ZNF507: variants seen among roughly 807,000 people sequenced by gnomAD.
ZNF507 encodes zinc finger protein 507.
A neutral mutation model predicts 80.0 loss-of-function variants in ZNF507; 29 were observed. That is an observed-to-expected ratio of 0.36 (90% CI 0.27 to 0.49). The LOEUF (loss-of-function observed/expected upper bound fraction) is 0.49. Among genes scored for constraint, ZNF507 ranks in the 20% least tolerant of loss-of-function variants. The pLI, the probability that ZNF507 is intolerant of heterozygous loss-of-function variation, is 0.98. For synonymous variants in ZNF507, 462 were observed against 422.5 expected, an observed-to-expected ratio of 1.09 and a Z score of -1.15; for missense variants, 1,081 against 1,152.2, an observed-to-expected ratio of 0.94 and a Z score of 0.90.
Position 32,387,190 on chromosome 19 carries a change from T to C in ZNF507, c.*4107T>C, listed in dbSNP as rs1967700692. 1 of 152,258 alleles carries C rather than the reference T, an allele frequency of 6.6e-6. No homozygotes were observed. The highest frequency in any genetic ancestry group is 2.4e-5 in the African/African-American group (1 of 41,474). The allele number at this position is 152,258 out of a possible 1,614,324, so 9.4% of individuals were successfully genotyped here. On this transcript the variant is annotated 3_prime_UTR_variant, in exon 7 of 7. Transcript: ENST00000355898. The stretch of plus-strand genomic sequence containing the variant: ...AAGTGCTAAAGACTAGTTCTGCTAT[T>C]GACGAAGGAATTAGCATTCCTTAGT...
At chr19:32,374,426 C>T (rs1967518668) in intron 5 of ZNF507, among the ~76,000 whole-genome samples, 1 of 149,934 alleles carries the variant, frequency 6.7e-6, no homozygotes, top group African/African-American at 2.4e-5. Flanking sequence ...ATTATATTAT[C>T]TGCAAATCAT....
intron 2 of ZNF507, among the ~76,000 whole-genome samples, chr19:32,347,782 A>T (rs1211341361): frequency 1.3e-5 from 2 of 152,244 alleles, no homozygotes; most frequent in Non-Finnish European, 2.9e-5. Flanking sequence ...TGCTCAATAA[A>T]TGACAGTAAA....
Position 32,382,706 on chromosome 19 carries a change from T to C in ZNF507, c.2496-11T>C. 1.2e-6 allele frequency: 2 copies of C among 1,610,124 alleles called. No individual in the cohort carries two copies. The highest frequency in any genetic ancestry group is 1.7e-6 in the Non-Finnish European group (2 of 1,177,554). ...CTCCTCACGGTGTGCTGTGTTTGTT[T>C]TGTTTTTAAGAGTTCTGGGGAAATC... On this transcript the variant is annotated splice_polypyrimidine_tract_variant and intron_variant, in intron 6 of 6. Transcript: ENST00000355898.
intron 2 of ZNF507, among the ~76,000 whole-genome samples, chr19:32,352,610 T>A (rs1021744579): frequency 6.6e-6 from 1 of 152,042 alleles, no homozygotes; most frequent in African/African-American, 2.4e-5. Context: ...GAGGGGAGTA[T>A]CTTCATCATT....
chr19:32,369,625 C>CT (rs952389746), intron 5 of ZNF507, among the ~76,000 whole-genome samples: 89 of 146,212 alleles, frequency 6.1e-4, no homozygotes, highest in Middle Eastern at 3.5e-3. Flanking sequence ...AACATACTTT[C>CT]TTTTTTTTTT....
chr19:32,353,976 G>C lies in ZNF507; in HGVS notation c.1146G>C (p.Gln382His). Reference protein sequence around the residue: ...LIPDSLLTSAQKIISSSPNKK... With the variant: ...LIPDSLLTSAHKIISSSPNKK... ...CTGATAGCCTGCTTACATCAGCACA[G>C]AAAATCATCAGCAGCAGCCCCAATA... The change falls in exon 3 of 7, where the codon CAG becomes CAC. Residue 382 changes from glutamine (Q) to histidine (H), a missense_variant. Transcript: ENST00000355898. 1 of 1,614,172 alleles carries C rather than the reference G, an allele frequency of 6.2e-7. No homozygotes were observed. The highest frequency in any genetic ancestry group is 8.5e-7 in the Non-Finnish European group (1 of 1,180,036).
At chr19:32,355,411 A>G (rs1967239063) in intron 3 of ZNF507, among the ~76,000 whole-genome samples, 2 of 152,210 alleles carry the variant, frequency 1.3e-5, no homozygotes, top group South Asian at 2.1e-4. Flanking sequence ...AGTGATGTGT[A>G]TCATTGCAGA....
chr19:32,383,994 G>A lies in ZNF507; in HGVS notation c.*911G>A, dbSNP rs774439252. The A allele has an allele frequency of 6.6e-6, 1 of 152,164 alleles. No homozygotes were observed. Among genetic ancestry groups the A allele is most frequent in the Admixed American group, 6.6e-5 (1 of 15,266 alleles). The allele number at this position is 152,164 out of a possible 1,614,324, so 9.4% of individuals were successfully genotyped here. ...TATGAAAATTTACATTTGATCATCC[G>A]GCATTGGAAATAGTTTGAACTATTT... On this transcript the variant is annotated 3_prime_UTR_variant, in exon 7 of 7. Coordinates refer to ENST00000355898, the MANE Select transcript of ZNF507 (RefSeq NM_001136156.2).
intron 4 of ZNF507, chr19:32,359,720 A>T (rs1275944932): frequency 2.0e-5 from 3 of 152,196 alleles, no homozygotes; most frequent in Admixed American, 1.3e-4. Context: ...AGAGCTGCAT[A>T]TTCATGTCAG....
At chr19:32,366,259 T>G (rs1967397123) in intron 5 of ZNF507, among the ~76,000 whole-genome samples, 1 of 152,178 alleles carries the variant, frequency 6.6e-6, no homozygotes, top group Non-Finnish European at 1.5e-5. Flanking sequence ...GAAAATTGCA[T>G]AAATCATAAA....
Position 32,353,472 on chromosome 19 carries a change from C to T in ZNF507, c.642C>T (p.Ile214=). Residue 214 remains isoleucine, a synonymous_variant, in exon 3 of 7, where the codon ATC becomes ATT. Coordinates refer to ENST00000355898, the MANE Select transcript of ZNF507 (RefSeq NM_001136156.2). ...TTERNETIPD[I]PVSVDNLQTH... The stretch of plus-strand genomic sequence containing the variant: ...AAAGAAATGAAACCATTCCAGATAT[C>T]CCAGTAAGTGTGGACAATCTACAGA... The T allele has an allele frequency of 6.2e-7, 1 of 1,614,206 alleles. No individual in the cohort carries two copies.
intron 2 of ZNF507, among the ~76,000 whole-genome samples, chr19:32,347,829 T>C (rs1206756946): frequency 6.6e-6 from 1 of 152,170 alleles, no homozygotes; most frequent in Non-Finnish European, 1.5e-5. Context: ...ACCTTATGTC[T>C]TCATTGCAGC....
Position 32,382,930 on chromosome 19 carries a change from C to T in ZNF507, c.2709C>T (p.Ser903=). 1 of 1,614,162 alleles carries T rather than the reference C, an allele frequency of 6.2e-7. No individual in the cohort carries two copies. Among genetic ancestry groups the T allele is most frequent in the Non-Finnish European group, 8.5e-7 (1 of 1,180,026 alleles). ...AAATCTCCAGTCTGGCCCCTCCTAGCATGGAGTACTGCGTTTTACTCTTCT... is the reference window on the plus strand; with the variant it reads ...AAATCTCCAGTCTGGCCCCTCCTAGTATGGAGTACTGCGTTTTACTCTTCT... ...LEKISSLAPP[S]MEYCVLLFCC... The change falls in exon 7 of 7, where the codon AGC becomes AGT. Residue 903 remains serine, a synonymous_variant. Coordinates refer to ENST00000355898, the MANE Select transcript of ZNF507 (RefSeq NM_001136156.2).
At chr19:32,356,754 G>T (rs112422840) in intron 4 of ZNF507, 21 bp downstream of exon 4, 36 of 1,579,708 alleles carry the variant, frequency 2.3e-5, no homozygotes, top group African/African-American at 2.0e-4. Flanking sequence ...ATTTTGTTAT[G>T]CAGGCTGCAG....
chr19:32,367,882 C>G (rs1967419944), intron 5 of ZNF507, among the ~76,000 whole-genome samples: 1 of 152,154 alleles, frequency 6.6e-6, no homozygotes, highest in Non-Finnish European at 1.5e-5. Flanking sequence ...ATGATAATAG[C>G]TGATATTTTT....
At chr19:32,373,850 G>A (rs562010197) in intron 5 of ZNF507, among the ~76,000 whole-genome samples, 3 of 152,048 alleles carry the variant, frequency 2.0e-5, no homozygotes, top group Non-Finnish European at 2.9e-5. Context: ...ATCCATTTTC[G>A]TAACACGTCC....
intron 5 of ZNF507, among the ~76,000 whole-genome samples, chr19:32,368,783 G>A (rs957160390): frequency 6.6e-6 from 1 of 152,184 alleles, no homozygotes. Context: ...GGGGGCCTTA[G>A]TTATTTCTTT....
chr19:32,381,608 AAACAAC>A lies in ZNF507; in HGVS notation c.2361-838_2361-833del, dbSNP rs372959149. Among the ~76,000 whole-genome samples the A allele has an allele frequency of 2.3e-3, 349 of 152,040 alleles. 1 individual carries two copies. The highest frequency in any genetic ancestry group is 7.9e-3 in the African/African-American group (326 of 41,486). On this transcript the variant is annotated intron_variant, in intron 5 of 6. Coordinates refer to ENST00000355898, the MANE Select transcript of ZNF507 (RefSeq NM_001136156.2). ...GGGAGACAGAGCAAGACTCTATCTC[AAACAAC>A]AACAACAACAACAACAACAAAAAAC... is the stretch of plus-strand genomic sequence containing the variant.
At chr19:32,351,583 G>C (rs534034317) in intron 2 of ZNF507, among the ~76,000 whole-genome samples, 1 of 150,682 alleles carries the variant, frequency 6.6e-6, no homozygotes. Flanking sequence ...GGGCTGAAGG[G>C]CCCTTATATG....
Sources: allele counts gnomAD v4.1 joint callset (sites outside exome capture counted in the v4.1 genomes callset), GRCh38; gene constraint gnomAD v4.1.1; transcripts MANE v1.5; gene names NCBI Gene and HGNC (gene_info 2026-07-23, HGNC 2026-07-21).